TFB1M: variants seen among roughly 807,000 people sequenced by gnomAD.
TFB1M encodes dimethyladenosine transferase 1, mitochondrial.
TFB1M carries 27 observed loss-of-function variants against 31.1 expected under a neutral mutation model. The ratio of observed to expected loss-of-function variants is 0.87; its 90% CI spans 0.64 to 1.20. The LOEUF (loss-of-function observed/expected upper bound fraction) is 1.20, where lower values mean the gene tolerates loss of function less well. TFB1M is among the 50% of genes most tolerant of loss of function. TFB1M has a pLI of 0.00. For missense variants in TFB1M, 394 were observed against 418.7 expected (o/e 0.94, Z 0.51); for synonymous variants, 166 against 151.8 (o/e 1.09, Z -0.69).
chr6:155,231,577 G>A, the TFB1M span, among the ~76,000 whole-genome samples: 1 of 152,200 alleles, frequency 6.6e-6, no homozygotes, highest in African/African-American at 2.4e-5. Flanking sequence ...GAGCATGCCG[G>A]TCCAGGAGAA....
At chr6:155,298,122 G>A (rs897494204) in intron 3 of TFB1M, among the ~76,000 whole-genome samples, 2 of 152,168 alleles carry the variant, frequency 1.3e-5, no homozygotes, top group African/African-American at 4.8e-5. Flanking sequence ...TTAAAACAAT[G>A]GCTTGGGCAT....
At chr6:155,233,542 T>C in the TFB1M span, among the ~76,000 whole-genome samples, 1 of 152,188 alleles carries the variant, frequency 6.6e-6, no homozygotes. Flanking sequence ...AAAATGTCCT[T>C]ATCCATACAT....
chr6:155,277,210 T>C (rs1583333369), intron 5 of TFB1M, among the ~76,000 whole-genome samples: 1 of 152,362 alleles, frequency 6.6e-6, no homozygotes, highest in East Asian at 1.9e-4. Flanking sequence ...ACCATCCCAC[T>C]TCCTCTCTCA....
chr6:155,230,103 G>A, the TFB1M span, among the ~76,000 whole-genome samples: 2 of 151,558 alleles, frequency 1.3e-5, no homozygotes, highest in Admixed American at 1.3e-4. Flanking sequence ...CCACCACATA[G>A]CCCATCATGC....
At chr6:155,248,034 C>T in the TFB1M span, 119,099 of 1,614,094 alleles carry the variant, frequency 0.074, 5,064 homozygotes, top group African/African-American at 0.16. Context: ...CTTTTCTGGA[C>T]GCCCGGAACC....
chr6:155,252,080 C>A, downstream of TFB1M: 1 of 1,172,798 alleles, frequency 8.5e-7, no homozygotes, highest in East Asian at 2.5e-5. Context: ...CTGAAAAGCC[C>A]ACTGAGCACC....
chr6:155,285,112 A>G (rs770787828), intron 5 of TFB1M, 46 bp downstream of exon 5: 7 of 1,611,526 alleles, frequency 4.3e-6, no homozygotes, highest in Non-Finnish European at 5.9e-6. Flanking sequence ...TCAGGGGAAC[A>G]AACGTCCTAA....
At chr6:155,287,441 C>T (rs183321617) in intron 4 of TFB1M, among the ~76,000 whole-genome samples, 6 of 151,678 alleles carry the variant, frequency 4.0e-5, no homozygotes, top group African/African-American at 9.7e-5. Flanking sequence ...TAATGGAATA[C>T]GAGATTGAAT....
At chr6:155,292,026 A>C (rs976849981) in intron 4 of TFB1M, among the ~76,000 whole-genome samples, 1 of 152,224 alleles carries the variant, frequency 6.6e-6, no homozygotes, top group Non-Finnish European at 1.5e-5. Context: ...AGTTTGCATA[A>C]ACAGGACAAC....
intron 2 of TFB1M, among the ~76,000 whole-genome samples, chr6:155,305,618 A>G (rs1159121255): frequency 1.2e-5 from 1 of 81,022 alleles, no homozygotes; most frequent in Non-Finnish European, 2.1e-5. Context: ...TATATATTAA[A>G]TTATATATTT....
chr6:155,287,576 A>ATG (rs1259987171), intron 4 of TFB1M, among the ~76,000 whole-genome samples: 14 of 67,624 alleles, frequency 2.1e-4, no homozygotes, highest in African/African-American at 7.8e-4. Flanking sequence ...GTGTGTGTGT[A>ATG]TGTGTGTGTG....
At chr6:155,312,396 A>C (rs1381042300) in intron 1 of TFB1M, among the ~76,000 whole-genome samples, 2 of 151,998 alleles carry the variant, frequency 1.3e-5, no homozygotes, top group Admixed American at 1.3e-4. Context: ...ATTTCTCTTA[A>C]CTTTTCAGTT....
At chr6:155,281,995 A>G (rs1454878953) in intron 5 of TFB1M, among the ~76,000 whole-genome samples, 1 of 152,212 alleles carries the variant, frequency 6.6e-6, no homozygotes, top group African/African-American at 2.4e-5. Flanking sequence ...CTTAAGAAAC[A>G]GGTTGTATTC....
intron 5 of TFB1M, among the ~76,000 whole-genome samples, chr6:155,274,520 T>C (rs181726911): frequency 9.9e-5 from 15 of 152,264 alleles, no homozygotes; most frequent in African/African-American, 3.6e-4. Context: ...CCATCACTAC[T>C]TCTGAATTGT....
At chr6:155,304,483 T>A (rs1777578720) in intron 2 of TFB1M, among the ~76,000 whole-genome samples, 1 of 152,116 alleles carries the variant, frequency 6.6e-6, no homozygotes, top group African/African-American at 2.4e-5. Context: ...AGAAAATAGA[T>A]GAAACAAAAT....
At chr6:155,260,811 C>T (rs999929171) in intron 5 of TFB1M, 1 of 327,588 alleles carries the variant, frequency 3.1e-6, no homozygotes, top group Non-Finnish European at 5.9e-6. Flanking sequence ...GCAGACAGGC[C>T]CCCAGGGACC....
chr6:155,312,279 A>C (rs1778048555), intron 1 of TFB1M, among the ~76,000 whole-genome samples: 1 of 152,256 alleles, frequency 6.6e-6, no homozygotes, highest in Non-Finnish European at 1.5e-5. Context: ...TTAGTCTTTT[A>C]ACAGGGAGGG....
Position 155,298,589 on chromosome 6 carries a change from GT to G in TFB1M, c.286-5del. On this transcript the variant is annotated splice_polypyrimidine_tract_variant and splice_region_variant and intron_variant, in intron 2 of 6. Transcript: ENST00000367166. ...CAGGTGCTGCATCAGAAAGCATCTA[GT>G]TTATAAAAAGATCAGTAAAATGAGC... 6.3e-7 allele frequency: 1 copy of G among 1,593,768 alleles called. No homozygotes were observed. Among genetic ancestry groups the G allele is most frequent in the African/African-American group, 1.3e-5 (1 of 74,588 alleles).
At chr6:155,240,474 C>T in the TFB1M span, 167 of 1,527,848 alleles carry the variant, frequency 1.1e-4, no homozygotes, top group Middle Eastern at 3.5e-4. Context: ...TTGGGGGCAG[C>T]GGATACTATC....
Sources: allele counts gnomAD v4.1 joint callset (sites outside exome capture counted in the v4.1 genomes callset), GRCh38; gene constraint gnomAD v4.1.1; transcripts MANE v1.5; gene names NCBI Gene and HGNC (gene_info 2026-07-23, HGNC 2026-07-21).